The following CEP112 variants were observed in gnomAD, a reference collection of about 807,000 sequenced individuals.
The protein encoded by CEP112 is centrosomal protein of 112 kDa.
In CEP112, 127 loss-of-function variants were observed where a neutral mutation model predicts 153.0. The observed-to-expected ratio is 0.83, with a 90% CI of 0.72 to 0.96. CEP112 has a LOEUF of 0.96. Among genes scored for constraint, CEP112 ranks in the 40% least tolerant of loss-of-function variants. The probability of loss-of-function intolerance (pLI) is 0.00; values close to 1 mark genes in which losing one functional copy is unlikely to be tolerated. For synonymous variants in CEP112, 358 were observed against 374.4 expected, an observed-to-expected ratio of 0.96 and a Z score of 0.51; for missense variants, 1,089 against 1,101.2, an observed-to-expected ratio of 0.99 and a Z score of 0.16.
chr17:66,171,723 A>G (rs1217657509), intron 4 of CEP112, among the ~76,000 whole-genome samples: 1 of 152,238 alleles, frequency 6.6e-6, no homozygotes, highest in African/African-American at 2.4e-5. Flanking sequence ...TGTATGTAAA[A>G]ACTACAAATA....
intron 8 of CEP112, among the ~76,000 whole-genome samples, chr17:66,075,303 T>C (rs1481838035): frequency 6.6e-6 from 1 of 152,138 alleles, no homozygotes; most frequent in African/African-American, 2.4e-5. Flanking sequence ...TTATTAGATT[T>C]ATGAGGTGGA....
intron 12 of CEP112, among the ~76,000 whole-genome samples, chr17:66,037,316 C>G (rs914825246): frequency 2.0e-5 from 3 of 152,034 alleles, no homozygotes; most frequent in Admixed American, 6.6e-5. Context: ...CTAAAAATAA[C>G]ATTTCAATAT....
chr17:66,168,469 GTATATATGTATATATGTGTGTGTGTA>G, intron 4 of CEP112, among the ~76,000 whole-genome samples: 2 of 141,906 alleles, frequency 1.4e-5, no homozygotes, highest in Non-Finnish European at 3.1e-5. Context: ...ATATGTGTGT[GTATATATGTATATATGTGTGTGTGTA>G]TATATATGTA....
intron 24 of CEP112, among the ~76,000 whole-genome samples, chr17:65,650,910 CTT>C (rs2045736945): frequency 6.6e-6 from 1 of 151,208 alleles, no homozygotes. Flanking sequence ...TTTTTTCTCT[CTT>C]TCTCTATATA....
chr17:66,134,218 C>G (rs2070332453), intron 4 of CEP112, among the ~76,000 whole-genome samples: 1 of 152,064 alleles, frequency 6.6e-6, no homozygotes, highest in African/African-American at 2.4e-5. Flanking sequence ...TAAAAATGAG[C>G]CTGAAATGTT....
At position 65,987,236 on chromosome 17, in the gene CEP112, G is replaced by A. The variant is rs2063442413; in HGVS notation, c.1736+18454C>T. ...AAAGAGAACAGAATAATATTTAAAA[G>A]GGGATATGATTAAGATGAAAAATAG... On this transcript the variant is annotated intron_variant, in intron 17 of 26. Transcript: ENST00000535342. Among the ~76,000 whole-genome samples the A allele has an allele frequency of 2.0e-5, 3 of 152,052 alleles. No homozygotes were observed. In the South Asian group the frequency reaches 6.2e-4, roughly 31 times the overall value.
chr17:65,780,890 A>T (rs2053958484), intron 21 of CEP112, among the ~76,000 whole-genome samples: 1 of 152,124 alleles, frequency 6.6e-6, no homozygotes, highest in Admixed American at 6.6e-5. Context: ...CCAATTTGGC[A>T]TGCTCATAAT....
At chr17:65,664,085 A>C (rs2046553378) in intron 24 of CEP112, among the ~76,000 whole-genome samples, 1 of 152,190 alleles carries the variant, frequency 6.6e-6, no homozygotes, top group Non-Finnish European at 1.5e-5. Flanking sequence ...AACATTATAC[A>C]TCCAGCTACA....
At chr17:65,827,177 C>T (rs1399868130) in intron 21 of CEP112, among the ~76,000 whole-genome samples, 1 of 152,236 alleles carries the variant, frequency 6.6e-6, no homozygotes, top group Non-Finnish European at 1.5e-5. Context: ...GAAGGCTGCA[C>T]TGTTGGCTTC....
intron 23 of CEP112, 111 bp from the exon 24 acceptor site, chr17:65,689,329 GT>G: frequency 1.5e-6 from 1 of 684,846 alleles, no homozygotes; most frequent in South Asian, 1.9e-5. Flanking sequence ...TATTACTCTT[GT>G]TCCAAAGCAT....
At position 65,943,454 on chromosome 17, in the gene CEP112, T is replaced by C. The variant is rs150457828; in HGVS notation, c.1873-15765A>G. On this transcript the variant is annotated intron_variant, in intron 18 of 26. Transcript: ENST00000535342. ...CTATTTGTCTGAAAAGGATTTTATT[T>C]CTCCTTCACTTATGAAGCTTAGTTG... 8.5e-4 allele frequency among the ~76,000 whole-genome samples: 129 copies of C among 152,356 alleles called. 1 individual carries two copies. The highest frequency in any genetic ancestry group is 3.0e-3 in the African/African-American group (123 of 41,590).
chr17:66,059,185 A>G (rs561059218), intron 11 of CEP112, among the ~76,000 whole-genome samples: 1 of 152,320 alleles, frequency 6.6e-6, no homozygotes, highest in Non-Finnish European at 1.5e-5. Context: ...ATAAGACTTA[A>G]AACTATAAAA....
intron 21 of CEP112, among the ~76,000 whole-genome samples, chr17:65,790,317 A>C (rs1352461177): frequency 1.3e-5 from 2 of 152,192 alleles, no homozygotes; most frequent in Non-Finnish European, 2.9e-5. Flanking sequence ...GCACGGATCT[A>C]TGATGGGAAC....
chr17:65,857,866 C>T (rs1325936027), intron 20 of CEP112, among the ~76,000 whole-genome samples: 2 of 152,186 alleles, frequency 1.3e-5, no homozygotes, highest in Non-Finnish European at 2.9e-5. Flanking sequence ...GTAGGGCCAT[C>T]TGGGCTTGAT....
intron 18 of CEP112, among the ~76,000 whole-genome samples, chr17:65,951,745 C>CACCCA (rs1329028549): frequency 1.1e-5 from 1 of 95,058 alleles, no homozygotes; most frequent in African/African-American, 3.5e-5. Context: ...CTTCCCCCGC[C>CACCCA]CCCCCCTTTC....
At chr17:66,182,961 C>A (rs1033654528) in intron 2 of CEP112, among the ~76,000 whole-genome samples, 1 of 152,132 alleles carries the variant, frequency 6.6e-6, no homozygotes, top group African/African-American at 2.4e-5. Context: ...GCTATAAGTT[C>A]ATGACATGTG....
At chr17:65,977,297 T>C (rs752647177) in intron 17 of CEP112, among the ~76,000 whole-genome samples, 2 of 152,158 alleles carry the variant, frequency 1.3e-5, no homozygotes, top group Non-Finnish European at 2.9e-5. Context: ...CTAGTCAACC[T>C]TCCTCATAGA....
intron 18 of CEP112, among the ~76,000 whole-genome samples, chr17:65,942,130 G>C (rs561970435): frequency 2.0e-5 from 3 of 152,156 alleles, no homozygotes; most frequent in Non-Finnish European, 4.4e-5. Context: ...GTGGCAGGGT[G>C]AGTGAGCATT....
intron 20 of CEP112, among the ~76,000 whole-genome samples, chr17:65,879,965 A>T (rs2059001395): frequency 1.3e-5 from 2 of 152,074 alleles, no homozygotes; most frequent in Admixed American, 1.3e-4. Flanking sequence ...ATTATCAAAG[A>T]AATCATCCAG....
Sources: allele counts gnomAD v4.1 joint callset (sites outside exome capture counted in the v4.1 genomes callset), GRCh38; gene constraint gnomAD v4.1.1; transcripts MANE v1.5; gene names NCBI Gene and HGNC (gene_info 2026-07-23, HGNC 2026-07-21).